The following CCDC146 variants were observed in gnomAD, a reference collection of about 807,000 sequenced individuals.
CCDC146 encodes the protein coiled-coil domain containing 146, also known as coiled-coil domain-containing protein 146.
Under a neutral mutation model 119.3 loss-of-function variants are expected in CCDC146, and 92 were observed. That is an observed-to-expected ratio of 0.77 (90% CI 0.65 to 0.92). The LOEUF (loss-of-function observed/expected upper bound fraction) is 0.92. Among genes scored for constraint, CCDC146 ranks in the 40% least tolerant of loss-of-function variants. The pLI, the probability that CCDC146 is intolerant of heterozygous loss-of-function variation, is 0.00. For synonymous variants in CCDC146, 372 were observed against 371.8 expected (o/e 1.00, Z -0.01); for missense variants, 1,000 against 1,103.0 (o/e 0.91, Z 1.32).
intron 2 of CCDC146, among the ~76,000 whole-genome samples, chr7:77,228,238 C>T (rs1456924496): frequency 6.6e-6 from 1 of 152,160 alleles, no homozygotes; most frequent in Non-Finnish European, 1.5e-5. Flanking sequence ...GTTTGTTGTA[C>T]AGATTATTTC....
At chr7:77,200,914 A>G (rs1245926322) in intron 2 of CCDC146, among the ~76,000 whole-genome samples, 1 of 152,234 alleles carries the variant, frequency 6.6e-6, no homozygotes, top group African/African-American at 2.4e-5. Flanking sequence ...TTTCAAAATG[A>G]CTGACATGGG....
At chr7:77,200,136 A>C (rs1791960931) in intron 2 of CCDC146, among the ~76,000 whole-genome samples, 1 of 152,246 alleles carries the variant, frequency 6.6e-6, no homozygotes. Context: ...ATTATACGTA[A>C]CTTCACTGGA....
At chr7:77,275,353 A>C (rs1000190854) in intron 11 of CCDC146, among the ~76,000 whole-genome samples, 2 of 152,236 alleles carry the variant, frequency 1.3e-5, no homozygotes, top group Admixed American at 1.3e-4. Context: ...CTCTCCTTCA[A>C]GTACCAGTGA....
chr7:77,162,052 C>G (rs919697939), intron 1 of CCDC146, among the ~76,000 whole-genome samples: 10 of 151,986 alleles, frequency 6.6e-5, no homozygotes, highest in Non-Finnish European at 1.5e-4. Flanking sequence ...GATGTTAACC[C>G]CTTGTCACAT....
At chr7:77,222,924 T>C (rs775765674) in intron 2 of CCDC146, among the ~76,000 whole-genome samples, 7 of 152,256 alleles carry the variant, frequency 4.6e-5, no homozygotes, top group Non-Finnish European at 7.3e-5. Context: ...TTCTGGTTAA[T>C]GTTTTGTGAC....
chr7:77,186,950 G>A (rs1195575049), intron 2 of CCDC146, among the ~76,000 whole-genome samples: 2 of 152,134 alleles, frequency 1.3e-5, no homozygotes, highest in Non-Finnish European at 1.5e-5. Context: ...TGCTGGGATT[G>A]GCCAACACTC....
At chr7:77,230,407 C>G (rs1792602407) in intron 2 of CCDC146, among the ~76,000 whole-genome samples, 1 of 151,896 alleles carries the variant, frequency 6.6e-6, no homozygotes, top group African/African-American at 2.4e-5. Flanking sequence ...ATGATTTTCT[C>G]TATTTTGGTT....
At chr7:77,275,295 T>C (rs895913096) in intron 11 of CCDC146, among the ~76,000 whole-genome samples, 1 of 152,148 alleles carries the variant, frequency 6.6e-6, no homozygotes, top group Non-Finnish European at 1.5e-5. Flanking sequence ...TCTCAAAGGG[T>C]CCTGGAACCA....
chr7:77,168,070 G>A (rs140219979), intron 2 of CCDC146, among the ~76,000 whole-genome samples: 13,686 of 151,668 alleles, frequency 0.09, 468 homozygotes, highest in African/African-American at 0.31. Context: ...ACATATATTC[G>A]GTCAGTTACA....
chr7:77,168,592 A>G (rs572248071), intron 2 of CCDC146, among the ~76,000 whole-genome samples: 3 of 152,250 alleles, frequency 2.0e-5, no homozygotes, highest in Non-Finnish European at 4.4e-5. Context: ...AACAGAATGC[A>G]ATAAAAAAGT....
Position 77,212,950 on chromosome 7 carries a change from ATT to A in CCDC146, c.157-23978_157-23977del, listed in dbSNP as rs5885013. On this transcript the variant is annotated intron_variant, in intron 2 of 18. Coordinates refer to ENST00000285871, the MANE Select transcript of CCDC146 (RefSeq NM_020879.3). ...TAAATGTTTTATCCAGGTCACATTA[ATT>A]TTTTTTTTTTTTTTTTTTGCCAAGG... 8.0e-4 allele frequency among the ~76,000 whole-genome samples: 89 copies of A among 111,248 alleles called. No individual in the cohort carries two copies. The South Asian group carries it at 0.015, about 19-fold the overall frequency. 73.0% of individuals were successfully genotyped at this position (111,248 alleles called of 152,430 possible).
At chr7:77,210,356 C>A (rs1294892536) in intron 2 of CCDC146, among the ~76,000 whole-genome samples, 1 of 152,212 alleles carries the variant, frequency 6.6e-6, no homozygotes, top group Non-Finnish European at 1.5e-5. Context: ...TGCCACCAGT[C>A]TCTTTGCTAA....
intron 13 of CCDC146, 135 bp from the exon 14 acceptor site, chr7:77,280,294 T>C: frequency 3.2e-6 from 2 of 632,750 alleles, no homozygotes; most frequent in Non-Finnish European, 5.4e-6. Flanking sequence ...TGAATATCAT[T>C]ATTACTAGTA....
intron 2 of CCDC146, chr7:77,199,667 G>A (rs1463763229): frequency 6.2e-7 from 1 of 1,614,044 alleles, no homozygotes; most frequent in Non-Finnish European, 8.5e-7. Flanking sequence ...CTGCTTTCTA[G>A]TCTCACTGGG....
At chr7:77,292,848 T>A (rs761545888) in intron 17 of CCDC146, 104 bp from the exon 18 acceptor site, 71 of 1,246,466 alleles carry the variant, frequency 5.7e-5, no homozygotes, top group Non-Finnish European at 7.2e-5. Flanking sequence ...CCCTCCTTCC[T>A]TCAGACAAAA....
At chr7:77,131,768 A>G (rs1198926971) in intron 1 of CCDC146, among the ~76,000 whole-genome samples, 2 of 152,208 alleles carry the variant, frequency 1.3e-5, no homozygotes, top group East Asian at 1.9e-4. Flanking sequence ...AACATTTTAC[A>G]AAGTGAAAGA....
intron 1 of CCDC146, among the ~76,000 whole-genome samples, chr7:77,164,410 A>T (rs528260923): frequency 1.7e-4 from 26 of 152,114 alleles, no homozygotes; most frequent in African/African-American, 6.0e-4. Flanking sequence ...ATGGTTATTT[A>T]AAAAAAACAC....
At chr7:77,219,350 T>TATGTA (rs776632835) in intron 2 of CCDC146, among the ~76,000 whole-genome samples, 7 of 152,206 alleles carry the variant, frequency 4.6e-5, no homozygotes, top group Non-Finnish European at 8.8e-5. Flanking sequence ...TTATGTATGG[T>TATGTA]TCTATCTGCT....
At chr7:77,253,045 G>T (rs1793106966) in intron 4 of CCDC146, among the ~76,000 whole-genome samples, 1 of 152,214 alleles carries the variant, frequency 6.6e-6, no homozygotes, top group South Asian at 2.1e-4. Flanking sequence ...AGGGCCAAAG[G>T]CAGATCCTTA....
Sources: allele counts gnomAD v4.1 joint callset (sites outside exome capture counted in the v4.1 genomes callset), GRCh38; gene constraint gnomAD v4.1.1; transcripts MANE v1.5; gene names NCBI Gene and HGNC (gene_info 2026-07-23, HGNC 2026-07-21).